CERS6: variants seen among roughly 807,000 people sequenced by gnomAD.
CERS6 encodes the protein ceramide synthase 6, also known as LAG1 homolog, ceramide synthase 6.
In CERS6, 26 loss-of-function variants were observed where a neutral mutation model predicts 56.8. The observed-to-expected ratio is 0.46, with a 90% CI of 0.34 to 0.63. The LOEUF (loss-of-function observed/expected upper bound fraction) is 0.63. CERS6 is among the 30% of genes least tolerant of loss of function. CERS6 has a pLI of 0.01. For synonymous variants in CERS6, 164 were observed against 173.3 expected, an observed-to-expected ratio of 0.95 and a Z score of 0.42; for missense variants, 415 against 467.5, an observed-to-expected ratio of 0.89 and a Z score of 1.04.
At chr2:168,713,086 T>C (rs1687134704) in intron 6 of CERS6, among the ~76,000 whole-genome samples, 1 of 152,182 alleles carries the variant, frequency 6.6e-6, no homozygotes, top group Non-Finnish European at 1.5e-5. Context: ...AAAGTAGTTG[T>C]CTAGTTTGCT....
At position 168,603,993 on chromosome 2, in the gene CERS6, G is replaced by A. The variant is rs537180963; in HGVS notation, c.408-26992G>A. On this transcript the variant is annotated intron_variant, in intron 3 of 9. Transcript: ENST00000305747. ...CAGTAGTGAAACAATAAAAATTTTT[G>A]GTTTACTTCTGCAGTGGAATTATGG... Among the ~76,000 whole-genome samples the A allele has an allele frequency of 3.9e-5, 6 of 152,116 alleles. No individual in the cohort carries two copies. In the South Asian group the frequency reaches 1.0e-3, roughly 26 times the overall value.
intron 1 of CERS6, among the ~76,000 whole-genome samples, chr2:168,500,874 G>T (rs899073934): frequency 6.6e-6 from 1 of 152,198 alleles, no homozygotes; most frequent in Non-Finnish European, 1.5e-5. Context: ...AACTAACTGT[G>T]GGTATCTAAA....
chr2:168,597,386 T>C (rs1414106459), intron 3 of CERS6, among the ~76,000 whole-genome samples: 2 of 152,198 alleles, frequency 1.3e-5, no homozygotes, highest in African/African-American at 4.8e-5. Context: ...TCTCATTCCA[T>C]GGACAGGCCA....
chr2:168,687,467 A>G (rs1686381628), intron 4 of CERS6, among the ~76,000 whole-genome samples: 1 of 152,110 alleles, frequency 6.6e-6, no homozygotes, highest in South Asian at 2.1e-4. Context: ...TTTCATCCCC[A>G]AGCCCAGACC....
At chr2:168,733,425 G>C (rs1291815227) in intron 8 of CERS6, among the ~76,000 whole-genome samples, 1 of 152,146 alleles carries the variant, frequency 6.6e-6, no homozygotes, top group Non-Finnish European at 1.5e-5. Flanking sequence ...TTAGTGAAGA[G>C]GAAAGAGAGT....
intron 3 of CERS6, among the ~76,000 whole-genome samples, chr2:168,572,253 ATGC>A (rs1276948363): frequency 1.3e-5 from 2 of 152,188 alleles, no homozygotes; most frequent in African/African-American, 2.4e-5. Flanking sequence ...GTGGGCATTA[ATGC>A]TGGCAGGAGA....
chr2:168,515,900 A>T (rs1321882944), intron 1 of CERS6, among the ~76,000 whole-genome samples: 2 of 152,208 alleles, frequency 1.3e-5, no homozygotes, highest in East Asian at 3.8e-4. Context: ...CATGGAGATG[A>T]CTGTCCCTTG....
At chr2:168,550,976 A>G (rs1695560822) in intron 2 of CERS6, among the ~76,000 whole-genome samples, 2 of 152,136 alleles carry the variant, frequency 1.3e-5, no homozygotes, top group African/African-American at 4.8e-5. Flanking sequence ...AACCACACAC[A>G]CATTTGGCGG....
chr2:168,506,653 C>G (rs1014171418), intron 1 of CERS6, among the ~76,000 whole-genome samples: 3 of 152,128 alleles, frequency 2.0e-5, no homozygotes, highest in Non-Finnish European at 2.9e-5. Flanking sequence ...GCTTCTGATG[C>G]TATTAACCAA....
At chr2:168,733,020 G>A (rs1358454957) in intron 8 of CERS6, among the ~76,000 whole-genome samples, 1 of 152,130 alleles carries the variant, frequency 6.6e-6, no homozygotes, top group African/African-American at 2.4e-5. Context: ...ATCTACATCA[G>A]ATAAGTATCA....
At chr2:168,579,877 T>C (rs373261047) in intron 3 of CERS6, among the ~76,000 whole-genome samples, 1 of 152,154 alleles carries the variant, frequency 6.6e-6, no homozygotes, top group Non-Finnish European at 1.5e-5. Context: ...GCCTTTGCGC[T>C]TGCTTTCCCA....
chr2:168,514,286 C>T (rs970039822), intron 1 of CERS6, among the ~76,000 whole-genome samples: 1 of 152,208 alleles, frequency 6.6e-6, no homozygotes, highest in Non-Finnish European at 1.5e-5. Flanking sequence ...GACCTGCTCC[C>T]TCATGCCAGC....
intron 4 of CERS6, among the ~76,000 whole-genome samples, chr2:168,641,650 T>C (rs1559032467): frequency 6.6e-6 from 1 of 152,224 alleles, no homozygotes; most frequent in Non-Finnish European, 1.5e-5. Context: ...TTGTTTTGCA[T>C]ATATGTAAAG....
intron 8 of CERS6, among the ~76,000 whole-genome samples, chr2:168,755,298 A>C (rs1035705837): frequency 6.6e-6 from 1 of 152,210 alleles, no homozygotes; most frequent in African/African-American, 2.4e-5. Flanking sequence ...AACATCTTCC[A>C]AACAGAAGGA....
chr2:168,749,225 G>A (rs1000616972), intron 8 of CERS6, among the ~76,000 whole-genome samples: 2 of 152,030 alleles, frequency 1.3e-5, no homozygotes, highest in Non-Finnish European at 2.9e-5. Flanking sequence ...ACATTCCAGG[G>A]GCAAAGGATA....
At chr2:168,502,708 C>G (rs1238842116) in intron 1 of CERS6, among the ~76,000 whole-genome samples, 1 of 152,176 alleles carries the variant, frequency 6.6e-6, no homozygotes, top group Non-Finnish European at 1.5e-5. Flanking sequence ...TAAATATTAG[C>G]CATTTTATCA....
chr2:168,469,901 G>T (rs887790818), intron 1 of CERS6, among the ~76,000 whole-genome samples: 1 of 152,088 alleles, frequency 6.6e-6, no homozygotes, highest in African/African-American at 2.4e-5. Context: ...AAGATACGCA[G>T]CCTAAAGAGA....
intron 1 of CERS6, among the ~76,000 whole-genome samples, chr2:168,481,872 T>A (rs1418170000): frequency 6.6e-6 from 1 of 152,230 alleles, no homozygotes; most frequent in Admixed American, 6.5e-5. Flanking sequence ...CATGAATACA[T>A]TTGATTTAGG....
intron 1 of CERS6, among the ~76,000 whole-genome samples, chr2:168,526,560 G>A (rs1459585783): frequency 6.6e-6 from 1 of 152,164 alleles, no homozygotes; most frequent in Admixed American, 6.5e-5. Context: ...CAGCCATATG[G>A]TCCAGGTGAT....
Sources: gnomAD v4.1 joint callset for allele counts (sites outside exome capture counted in the v4.1 genomes callset) on GRCh38, gnomAD v4.1.1 for gene constraint, MANE v1.5 for transcripts, NCBI Gene and HGNC (gene_info 2026-07-23, HGNC 2026-07-21) for gene names.